Variants in ADAM10 observed in about 807,000 individuals in gnomAD.
ADAM10 encodes disintegrin and metalloproteinase domain-containing protein 10.
ADAM10 carries 17 observed loss-of-function variants against 90.1 expected under a neutral mutation model. The observed-to-expected ratio is 0.19, with a 90% CI of 0.13 to 0.28. The LOEUF (loss-of-function observed/expected upper bound fraction) is 0.28, where lower values mean the gene tolerates loss of function less well. Ranked by LOEUF, ADAM10 falls within the 10% of genes least tolerant of loss-of-function variation. The probability of loss-of-function intolerance (pLI) is 1.00; values close to 1 mark genes in which losing one functional copy is unlikely to be tolerated. For missense variants in ADAM10, 610 were observed against 914.3 expected (o/e 0.67, Z 4.29); for synonymous variants, 310 against 298.6 (o/e 1.04, Z -0.40).
intron 1 of ADAM10, among the ~76,000 whole-genome samples, chr15:58,720,678 G>A (rs981005023): frequency 2.0e-5 from 3 of 152,138 alleles, no homozygotes; most frequent in Non-Finnish European, 4.4e-5. Context: ...TGGGATTACA[G>A]GCATGAGCCA....
intron 1 of ADAM10, among the ~76,000 whole-genome samples, chr15:58,737,180 A>C (rs937719573): frequency 3.9e-5 from 6 of 152,148 alleles, no homozygotes; most frequent in African/African-American, 1.4e-4. Flanking sequence ...CTTTTAAAAA[A>C]TTATTTTTCC....
At chr15:58,698,144 T>C (rs1898026859) in intron 2 of ADAM10, 1 of 307,102 alleles carries the variant, frequency 3.3e-6, no homozygotes, top group African/African-American at 2.3e-5. Context: ...TCTGCAGCAA[T>C]AGATTCCAAT....
At chr15:58,714,292 TACACACACAC>T (rs71116591) in intron 2 of ADAM10, among the ~76,000 whole-genome samples, 44 of 143,018 alleles carry the variant, frequency 3.1e-4, no homozygotes, top group South Asian at 2.7e-3. Context: ...TACATACACA[TACACACACAC>T]ACACACACAC....
chr15:58,721,094 T>A (rs1294916103), intron 1 of ADAM10, among the ~76,000 whole-genome samples: 1 of 152,288 alleles, frequency 6.6e-6, no homozygotes, highest in Admixed American at 6.5e-5. Flanking sequence ...TAACTATTGC[T>A]GTTCTGAAGC....
intron 9 of ADAM10, among the ~76,000 whole-genome samples, chr15:58,632,968 T>A (rs377460525): frequency 6.6e-6 from 1 of 152,188 alleles, no homozygotes; most frequent in Non-Finnish European, 1.5e-5. Flanking sequence ...CCAGATGAAA[T>A]CCCTTGCCTT....
At chr15:58,599,490 C>A (rs1013579802) in intron 15 of ADAM10, 108 bp downstream of exon 15, 2 of 1,320,952 alleles carry the variant, frequency 1.5e-6, no homozygotes, top group Non-Finnish European at 2.2e-6. Flanking sequence ...CCCATTCTTA[C>A]GGAGAAAGTA....
intron 5 of ADAM10, among the ~76,000 whole-genome samples, chr15:58,661,111 A>C (rs1211032322): frequency 6.6e-6 from 1 of 152,226 alleles, no homozygotes; most frequent in Non-Finnish European, 1.5e-5. Context: ...TGTCCTTTGC[A>C]CTACTGTCAT....
chr15:58,637,613 A>T lies in ADAM10; in HGVS notation c.1012+3164T>A, dbSNP rs571272135. ...AAGAAAGAAGAAAACAGATTCCACC[A>T]ATGTATAACCTCTACTAAGAAGCAG... On this transcript the variant is annotated intron_variant, in intron 8 of 15. Transcript: ENST00000260408. Among the ~76,000 whole-genome samples the T allele has an allele frequency of 2.6e-5, 4 of 152,286 alleles. No individual in the cohort carries two copies. The South Asian group carries it at 8.3e-4, about 32-fold the overall frequency.
intron 1 of ADAM10, among the ~76,000 whole-genome samples, chr15:58,740,124 A>G (rs1261458325): frequency 6.6e-6 from 1 of 150,544 alleles, no homozygotes; most frequent in African/African-American, 2.5e-5. Context: ...AAGAACAGCA[A>G]TATCAAAGCT....
chr15:58,673,702 T>C (rs1897249535), intron 4 of ADAM10, among the ~76,000 whole-genome samples: 1 of 151,790 alleles, frequency 6.6e-6, no homozygotes, highest in African/African-American at 2.4e-5. Flanking sequence ...CAGATTCTGC[T>C]AAAAAGAATT....
chr15:58,719,896 T>C (rs1898784079), intron 1 of ADAM10, among the ~76,000 whole-genome samples: 1 of 152,162 alleles, frequency 6.6e-6, no homozygotes, highest in Non-Finnish European at 1.5e-5. Flanking sequence ...ACAATTAATA[T>C]TAGAGAGCCT....
chr15:58,690,701 T>C (rs911076294), intron 2 of ADAM10, among the ~76,000 whole-genome samples: 2 of 151,970 alleles, frequency 1.3e-5, no homozygotes, highest in Non-Finnish European at 2.9e-5. Flanking sequence ...ATGGGGACAC[T>C]ATGCAAGGGC....
At chr15:58,613,570 A>G (rs1895513804) in intron 11 of ADAM10, among the ~76,000 whole-genome samples, 1 of 152,218 alleles carries the variant, frequency 6.6e-6, no homozygotes, top group Admixed American at 6.5e-5. Context: ...AAAACAATTC[A>G]TATGAATGAG....
At chr15:58,691,739 G>T in intron 2 of ADAM10, 1 of 338,492 alleles carries the variant, frequency 3.0e-6, no homozygotes, top group South Asian at 2.2e-5. Context: ...GCTTAGTGCA[G>T]TGGCATGATC....
intron 3 of ADAM10, 40 bp from the exon 4 acceptor site, chr15:58,679,322 C>G (rs547481357): frequency 6.3e-7 from 1 of 1,585,574 alleles, no homozygotes; most frequent in East Asian, 2.2e-5. Flanking sequence ...ATTTAATTTG[C>G]ACATGAATGT....
At chr15:58,693,381 G>A (rs1267724964) in intron 2 of ADAM10, among the ~76,000 whole-genome samples, 2 of 152,142 alleles carry the variant, frequency 1.3e-5, no homozygotes, top group African/African-American at 2.4e-5. Context: ...GTACCATAAA[G>A]CTACAGTAAC....
chr15:58,740,940 T>G (rs1249233682), intron 1 of ADAM10, among the ~76,000 whole-genome samples: 4 of 152,196 alleles, frequency 2.6e-5, no homozygotes, highest in African/African-American at 9.7e-5. Flanking sequence ...AGATTCCAAA[T>G]GAAAGCAGGT....
chr15:58,728,074 A>T (rs1899100814), intron 1 of ADAM10, among the ~76,000 whole-genome samples: 1 of 152,258 alleles, frequency 6.6e-6, no homozygotes, highest in African/African-American at 2.4e-5. Flanking sequence ...AACAGTCACA[A>T]AGATAGACCT....
intron 8 of ADAM10, among the ~76,000 whole-genome samples, chr15:58,638,614 CAAAAAAAAAAAAAAA>C (rs60048171): frequency 5.1e-5 from 4 of 78,218 alleles, no homozygotes; most frequent in Non-Finnish European, 8.1e-5. Flanking sequence ...CACTCTGTCT[CAAAAAAAAAAAAAAA>C]AAAAAAGAAA....
Sources: gnomAD v4.1 joint callset for allele counts (sites outside exome capture counted in the v4.1 genomes callset) on GRCh38, gnomAD v4.1.1 for gene constraint, MANE v1.5 for transcripts, NCBI Gene and HGNC (gene_info 2026-07-23, HGNC 2026-07-21) for gene names.